Variants in POU2F3 observed in about 807,000 individuals in gnomAD.
POU2F3 encodes POU class 2 homeobox 3.
In POU2F3, 23 loss-of-function variants were observed where a neutral mutation model predicts 59.2. The ratio of observed to expected loss-of-function variants is 0.39; its 90% confidence interval spans 0.28 to 0.55. POU2F3 has a LOEUF of 0.55. Among genes scored for constraint, POU2F3 ranks in the 20% least tolerant of loss-of-function variants. The pLI is 0.66. For missense variants in POU2F3, 473 were observed against 544.5 expected, an observed-to-expected ratio of 0.87 and a Z score of 1.31; for synonymous variants, 190 against 214.6, an observed-to-expected ratio of 0.89 and a Z score of 1.00.
chr11:120,246,566 T>C (rs1938885939), intron 2 of POU2F3, 49 bp downstream of exon 2: 3 of 1,580,548 alleles, frequency 1.9e-6, no homozygotes, highest in Non-Finnish European at 2.6e-6. Context: ...GGAAGAGAGT[T>C]GTTGGGAATT....
At chr11:120,242,038 G>A (rs1055855082) in intron 1 of POU2F3, among the ~76,000 whole-genome samples, 3 of 152,150 alleles carry the variant, frequency 2.0e-5, no homozygotes, top group Non-Finnish European at 2.9e-5. Context: ...AACCCCAGGT[G>A]GGGTGATTCC....
At chr11:120,294,442 G>A (rs1268380508) in intron 3 of POU2F3, among the ~76,000 whole-genome samples, 2 of 152,230 alleles carry the variant, frequency 1.3e-5, no homozygotes, top group Non-Finnish European at 2.9e-5. Flanking sequence ...TTCCAGGCAG[G>A]CTGTGGGTTT....
At chr11:120,298,126 T>C (rs997297563) in intron 3 of POU2F3, 139 bp from the exon 4 acceptor site, 1 of 1,106,228 alleles carries the variant, frequency 9.0e-7, no homozygotes, top group African/African-American at 1.6e-5. Flanking sequence ...AAAAGTAAGC[T>C]GCAGCCCAGT....
chr11:120,247,037 A>C (rs1938906028), intron 2 of POU2F3, among the ~76,000 whole-genome samples: 1 of 152,224 alleles, frequency 6.6e-6, no homozygotes, highest in African/African-American at 2.4e-5. Flanking sequence ...AGTCCCAGCT[A>C]GTCAGCAGGC....
chr11:120,264,176 A>T (rs187639110), intron 2 of POU2F3, among the ~76,000 whole-genome samples: 1 of 149,694 alleles, frequency 6.7e-6, no homozygotes, highest in Non-Finnish European at 1.5e-5. Context: ...CCTAGGTAAC[A>T]TGATAAGACC....
intron 5 of POU2F3, 146 bp downstream of exon 5, chr11:120,299,872 G>T (rs1330448995): frequency 3.1e-6 from 2 of 644,268 alleles, no homozygotes; most frequent in Non-Finnish European, 5.2e-6. Flanking sequence ...TCCACCCCAG[G>T]GTCTGAGGAA....
At chr11:120,312,271 C>A (rs1024578134) in intron 10 of POU2F3, among the ~76,000 whole-genome samples, 2 of 152,008 alleles carry the variant, frequency 1.3e-5, no homozygotes, top group East Asian at 1.9e-4. Context: ...TTACAGGCAC[C>A]CACCATCACA....
intron 3 of POU2F3, among the ~76,000 whole-genome samples, chr11:120,277,268 G>T (rs1940372699): frequency 6.6e-6 from 1 of 151,678 alleles, no homozygotes; most frequent in Non-Finnish European, 1.5e-5. Flanking sequence ...TCCAGCCTGG[G>T]TGATAGAGCC....
chr11:120,249,596 A>G (rs1251105825), intron 2 of POU2F3, among the ~76,000 whole-genome samples: 1 of 152,192 alleles, frequency 6.6e-6, no homozygotes, highest in Non-Finnish European at 1.5e-5. Flanking sequence ...ATATTTCAAA[A>G]GCCCCCAGGT....
chr11:120,297,853 C>T (rs996115001), intron 3 of POU2F3, among the ~76,000 whole-genome samples: 3 of 152,004 alleles, frequency 2.0e-5, no homozygotes. Context: ...TCACTGCAGC[C>T]TCAAACTCCT....
intron 3 of POU2F3, among the ~76,000 whole-genome samples, chr11:120,274,916 T>C (rs1940258233): frequency 6.6e-6 from 1 of 152,044 alleles, no homozygotes; most frequent in African/African-American, 2.4e-5. Flanking sequence ...TTCATGAAGG[T>C]GGGGAAAACC....
intron 2 of POU2F3, among the ~76,000 whole-genome samples, chr11:120,250,711 C>T (rs1453789138): frequency 6.6e-6 from 1 of 152,202 alleles, no homozygotes; most frequent in Non-Finnish European, 1.5e-5. Flanking sequence ...CGCGGTGGCT[C>T]ATGCCTGTAA....
intron 3 of POU2F3, among the ~76,000 whole-genome samples, chr11:120,271,482 A>G (rs918068838): frequency 2.0e-5 from 3 of 152,108 alleles, no homozygotes; most frequent in African/African-American, 7.2e-5. Context: ...TGCCCTGAGG[A>G]CTCAGGTTTC....
intron 3 of POU2F3, among the ~76,000 whole-genome samples, chr11:120,293,135 T>C (rs1941080622): frequency 6.6e-6 from 1 of 152,122 alleles, no homozygotes; most frequent in Non-Finnish European, 1.5e-5. Flanking sequence ...TTTGTAGAAG[T>C]TTGATGCTCT....
At chr11:120,240,060 T>A (rs776796196), upstream of POU2F3, 1 of 1,087,208 alleles carries the variant, frequency 9.2e-7, no homozygotes, top group Non-Finnish European at 1.1e-6. Context: ...CTGCTTTGCA[T>A]GGGCCTGGGG....
chr11:120,257,662 A>G (rs1004206431), intron 2 of POU2F3, among the ~76,000 whole-genome samples: 3 of 152,184 alleles, frequency 2.0e-5, no homozygotes, highest in South Asian at 2.1e-4. Flanking sequence ...TGGAAAGGAC[A>G]TGGCATCTCC....
chr11:120,269,177 C>G, intron 2 of POU2F3, 33 bp from the exon 3 acceptor site: 1 of 1,530,206 alleles, frequency 6.5e-7, no homozygotes, highest in Non-Finnish European at 9.0e-7. Flanking sequence ...AACCTGCTAC[C>G]AACTAATATA....
chr11:120,299,546 C>T (rs753254483), intron 4 of POU2F3, 78 bp from the exon 5 acceptor site: 49 of 1,327,368 alleles, frequency 3.7e-5, no homozygotes, highest in South Asian at 2.1e-4. Context: ...ACCCCTGGGA[C>T]GGACGAGTGG....
chr11:120,290,624 G>A (rs925417218), intron 3 of POU2F3, among the ~76,000 whole-genome samples: 2 of 152,202 alleles, frequency 1.3e-5, no homozygotes, highest in African/African-American at 2.4e-5. Flanking sequence ...CTTGGTTCCC[G>A]TATCTGTTAA....
Sources: allele counts gnomAD v4.1 joint callset (sites outside exome capture counted in the v4.1 genomes callset), GRCh38; gene constraint gnomAD v4.1.1; transcripts MANE v1.5; gene names NCBI Gene and HGNC (gene_info 2026-07-23, HGNC 2026-07-21).